The following LRBA variants were observed in gnomAD, a reference collection of about 807,000 sequenced individuals.
The protein encoded by LRBA is lipopolysaccharide-responsive and beige-like anchor protein.
LRBA carries 176 observed loss-of-function variants against 330.0 expected under a neutral mutation model. The observed-to-expected ratio is 0.53, with a 90% confidence interval of 0.47 to 0.60. The LOEUF (loss-of-function observed/expected upper bound fraction) is 0.60, where lower values mean the gene tolerates loss of function less well. Ranked by LOEUF, LRBA falls within the 20% of genes least tolerant of loss-of-function variation. The pLI is 0.00. For synonymous variants in LRBA, 1,230 were observed against 1,193.0 expected (o/e 1.03, Z -0.64); for missense variants, 3,259 against 3,444.8 (o/e 0.95, Z 1.35).
chr4:151,014,317 C>T, intron 2 of LRBA, 110 bp downstream of exon 2: 1 of 782,074 alleles, frequency 1.3e-6, no homozygotes, highest in Non-Finnish European at 2.1e-6. Context: ...TGTCCCTATA[C>T]ACGAAAAAAG....
At chr4:150,462,652 GTCCT>G (rs1328684286) in intron 44 of LRBA, among the ~76,000 whole-genome samples, 1 of 151,654 alleles carries the variant, frequency 6.6e-6, no homozygotes, top group Non-Finnish European at 1.5e-5. Context: ...GGTACTAAAA[GTCCT>G]CTGAAAAACA....
At chr4:150,849,297 G>T in intron 25 of LRBA, 125 bp downstream of exon 25, 1 of 801,686 alleles carries the variant, frequency 1.2e-6, no homozygotes, top group Non-Finnish European at 2.0e-6. Flanking sequence ...TCAAGTAAAA[G>T]ATCCTATTGT....
intron 30 of LRBA, among the ~76,000 whole-genome samples, chr4:150,825,065 A>C (rs79231048): frequency 6.9e-6 from 1 of 144,938 alleles, no homozygotes; most frequent in African/African-American, 2.7e-5. Flanking sequence ...CACCCAGACA[A>C]AAAAAAAAAA....
At chr4:150,410,038 A>G (rs1427415504) in intron 47 of LRBA, among the ~76,000 whole-genome samples, 1 of 152,160 alleles carries the variant, frequency 6.6e-6, no homozygotes, top group Non-Finnish European at 1.5e-5. Context: ...TGAAAAGGAA[A>G]CAATAACAAC....
intron 40 of LRBA, among the ~76,000 whole-genome samples, chr4:150,534,759 T>C (rs1561315638): frequency 6.6e-6 from 1 of 152,326 alleles, no homozygotes; most frequent in African/African-American, 2.4e-5. Context: ...TCAATAAGCC[T>C]ATGTATGCAA....
chr4:150,553,750 G>C (rs1036216782), intron 40 of LRBA, among the ~76,000 whole-genome samples: 6 of 152,282 alleles, frequency 3.9e-5, no homozygotes, highest in Non-Finnish European at 8.8e-5. Flanking sequence ...AGACACTAGA[G>C]AAATTTGTCT....
intron 47 of LRBA, among the ~76,000 whole-genome samples, chr4:150,406,695 C>A (rs1465422117): frequency 6.6e-6 from 1 of 152,102 alleles, no homozygotes; most frequent in Non-Finnish European, 1.5e-5. Flanking sequence ...GTACCCCTCA[C>A]CCCCAGGAAG....
intron 35 of LRBA, among the ~76,000 whole-genome samples, chr4:150,743,031 G>A (rs1732227288): frequency 6.6e-6 from 1 of 152,152 alleles, no homozygotes; most frequent in Non-Finnish European, 1.5e-5. Context: ...ACAGTGACAG[G>A]ATCTCAGCTC....
At chr4:150,898,835 G>A (rs538499616) in intron 14 of LRBA, among the ~76,000 whole-genome samples, 2 of 152,072 alleles carry the variant, frequency 1.3e-5, no homozygotes, top group African/African-American at 2.4e-5. Context: ...ATTCTGACCC[G>A]GTTCTGGATC....
At chr4:150,368,130 G>C (rs1561075690) in intron 47 of LRBA, among the ~76,000 whole-genome samples, 1 of 151,900 alleles carries the variant, frequency 6.6e-6, no homozygotes, top group African/African-American at 2.4e-5. Context: ...TCAAGGTGCC[G>C]GTTCCAGATT....
chr4:150,445,265 C>T (rs1322246895), intron 44 of LRBA, among the ~76,000 whole-genome samples: 1 of 151,102 alleles, frequency 6.6e-6, no homozygotes, highest in African/African-American at 2.4e-5. Context: ...ACTTAAGAAA[C>T]ATTCAGCTTT....
intron 39 of LRBA, among the ~76,000 whole-genome samples, chr4:150,588,793 G>A (rs1031683762): frequency 6.6e-6 from 1 of 152,116 alleles, no homozygotes; most frequent in Non-Finnish European, 1.5e-5. Context: ...ATTGTTCAAT[G>A]CTTCCAAATC....
chr4:150,313,679 C>T (rs191061509), intron 51 of LRBA, among the ~76,000 whole-genome samples: 159 of 151,812 alleles, frequency 1.0e-3, no homozygotes, highest in Non-Finnish European at 2.0e-3. Context: ...GAGTTAAGAA[C>T]AGCTTGAGTT....
intron 30 of LRBA, among the ~76,000 whole-genome samples, chr4:150,818,390 G>C (rs942278368): frequency 4.0e-5 from 6 of 151,898 alleles, no homozygotes; most frequent in African/African-American, 1.5e-4. Context: ...TCATTATAAG[G>C]GTGACTGCCA....
chr4:150,607,509 C>T (rs757486430), intron 37 of LRBA, among the ~76,000 whole-genome samples: 3 of 150,868 alleles, frequency 2.0e-5, no homozygotes, highest in African/African-American at 4.9e-5. Context: ...GAAAAATAAT[C>T]GCATCCTAGA....
chr4:150,671,405 T>C (rs986178393), intron 37 of LRBA, among the ~76,000 whole-genome samples: 2 of 152,178 alleles, frequency 1.3e-5, no homozygotes, highest in South Asian at 2.1e-4. Flanking sequence ...TAGGAATCTT[T>C]TCCTTTTCGT....
At chr4:150,730,901 C>A (rs1390610727) in intron 36 of LRBA, among the ~76,000 whole-genome samples, 1 of 151,764 alleles carries the variant, frequency 6.6e-6, no homozygotes, top group Admixed American at 6.6e-5. Context: ...GCCTGTAATC[C>A]CAGCTACTTG....
chr4:150,489,576 A>AATACATAATATATATT (rs1758590976), intron 41 of LRBA, among the ~76,000 whole-genome samples: 1 of 72,160 alleles, frequency 1.4e-5, no homozygotes, highest in Non-Finnish European at 2.7e-5. Context: ...TATATATAAG[A>AATACATAATATATATT]ATATATAATA....
intron 47 of LRBA, among the ~76,000 whole-genome samples, chr4:150,377,946 G>T (rs1174442504): frequency 6.9e-6 from 1 of 145,046 alleles, no homozygotes; most frequent in Admixed American, 7.1e-5. Flanking sequence ...ACTCCAGCCT[G>T]GGGGACAGAG....
Sources: gnomAD v4.1 joint callset for allele counts (sites outside exome capture counted in the v4.1 genomes callset) on GRCh38, gnomAD v4.1.1 for gene constraint, MANE v1.5 for transcripts, NCBI Gene and HGNC (gene_info 2026-07-23, HGNC 2026-07-21) for gene names.